Variants in ADAM23 observed in about 807,000 individuals in gnomAD.
The protein encoded by ADAM23 is ADAM metallopeptidase domain 23.
Under a neutral mutation model 120.1 loss-of-function variants are expected in ADAM23, and 33 were observed. The ratio of observed to expected loss-of-function variants is 0.27; its 90% CI spans 0.21 to 0.37. The LOEUF is 0.37. Ranked by LOEUF, ADAM23 falls within the 10% of genes least tolerant of loss-of-function variation. The pLI, the probability that ADAM23 is intolerant of heterozygous loss-of-function variation, is 1.00. For synonymous variants in ADAM23, 367 were observed against 375.2 expected, an observed-to-expected ratio of 0.98 and a Z score of 0.25; for missense variants, 862 against 1,058.2, an observed-to-expected ratio of 0.81 and a Z score of 2.57.
chr2:206,526,202 A>G (rs974387514), intron 3 of ADAM23, among the ~76,000 whole-genome samples: 2 of 152,080 alleles, frequency 1.3e-5, no homozygotes, highest in East Asian at 1.9e-4. Context: ...ACACACGTCT[A>G]TACACATACA....
intron 24 of ADAM23, among the ~76,000 whole-genome samples, chr2:206,600,475 T>C (rs1195745936): frequency 6.6e-6 from 1 of 152,188 alleles, no homozygotes; most frequent in African/African-American, 2.4e-5. Flanking sequence ...ATATGGCCTT[T>C]TTAAAAATCA....
intron 3 of ADAM23, among the ~76,000 whole-genome samples, chr2:206,494,354 A>C (rs1559233030): frequency 6.6e-6 from 1 of 152,206 alleles, no homozygotes; most frequent in African/African-American, 2.4e-5. Context: ...GACCCTAAAA[A>C]AATGTTTGCT....
chr2:206,566,877 A>G (rs1697895338), intron 14 of ADAM23, among the ~76,000 whole-genome samples: 1 of 152,016 alleles, frequency 6.6e-6, no homozygotes, highest in African/African-American at 2.4e-5. Context: ...CTTGACTTTA[A>G]TGAGATATAG....
chr2:206,508,003 G>C (rs1454075855), intron 3 of ADAM23, among the ~76,000 whole-genome samples: 10 of 152,046 alleles, frequency 6.6e-5, no homozygotes, highest in Admixed American at 5.9e-4. Context: ...GAGACAAAGA[G>C]TTTTTCTCCT....
chr2:206,566,182 A>G (rs1397220221), intron 14 of ADAM23, among the ~76,000 whole-genome samples: 1 of 148,858 alleles, frequency 6.7e-6, no homozygotes, highest in African/African-American at 2.4e-5. Context: ...AATATATATA[A>G]CATATAATAT....
At position 206,578,624 on chromosome 2, in the gene ADAM23, T is replaced by A. The variant is rs1698164885; in HGVS notation, c.1737+5429T>A. ...ACAGTTTCTTTATCCACTCATTGAT[T>A]GATGGGCATTTGGGTTGGTTGATGG... On this transcript the variant is annotated intron_variant, in intron 18 of 25. Coordinates refer to ENST00000264377, the MANE Select transcript of ADAM23 (RefSeq NM_003812.4). Among the ~76,000 whole-genome samples the A allele has an allele frequency of 2.0e-5, 3 of 152,176 alleles. No homozygotes were observed. In the South Asian group the frequency reaches 6.2e-4, roughly 32 times the overall value.
Position 206,525,934 on chromosome 2 carries a change from A to T in ADAM23, c.510-4951A>T, listed in dbSNP as rs375058793. On this transcript the variant is annotated intron_variant, in intron 3 of 25. Coordinates refer to ENST00000264377, the MANE Select transcript of ADAM23 (RefSeq NM_003812.4). ...GGGGTTCAAGTTATTTTCCAAAAAA[A>T]CTGGATCTACTCTTCTTGGTTAATA... Among the ~76,000 whole-genome samples, 10 of 152,210 alleles carry T rather than the reference A, an allele frequency of 6.6e-5. No homozygotes were observed. In the South Asian group the frequency reaches 1.2e-3, roughly 19 times the overall value.
intron 9 of ADAM23, among the ~76,000 whole-genome samples, chr2:206,551,836 T>G (rs1370080350): frequency 1.3e-5 from 2 of 152,250 alleles, no homozygotes; most frequent in African/African-American, 2.4e-5. Context: ...ACATTTATTT[T>G]CTGTTCCAGT....
At chr2:206,508,919 G>C (rs776320723) in intron 3 of ADAM23, among the ~76,000 whole-genome samples, 11 of 152,032 alleles carry the variant, frequency 7.2e-5, no homozygotes, top group Non-Finnish European at 1.0e-4. Flanking sequence ...CTCTGAGATC[G>C]CTGGCAAAGT....
At chr2:206,480,899 G>C (rs898302476) in intron 2 of ADAM23, among the ~76,000 whole-genome samples, 1 of 152,114 alleles carries the variant, frequency 6.6e-6, no homozygotes, top group Non-Finnish European at 1.5e-5. Flanking sequence ...GCACAAAACG[G>C]GCTGAAATCA....
chr2:206,529,819 A>G (rs1329904161), intron 3 of ADAM23, among the ~76,000 whole-genome samples: 1 of 149,038 alleles, frequency 6.7e-6, no homozygotes, highest in Non-Finnish European at 1.5e-5. Flanking sequence ...GTATATATAC[A>G]TTTTTTTTTT....
At chr2:206,594,708 T>C (rs1437616380) in intron 22 of ADAM23, 29 bp from the exon 23 acceptor site, 16 of 1,612,428 alleles carry the variant, frequency 9.9e-6, no homozygotes, top group Non-Finnish European at 1.4e-5. Flanking sequence ...GTGGTGCAAA[T>C]AGTTATATGG....
intron 2 of ADAM23, among the ~76,000 whole-genome samples, chr2:206,462,994 C>T (rs1695457341): frequency 6.6e-6 from 1 of 152,002 alleles, no homozygotes; most frequent in South Asian, 2.1e-4. Context: ...TTACATTTGT[C>T]CAGGCAGTGA....
intron 24 of ADAM23, among the ~76,000 whole-genome samples, chr2:206,606,142 C>A (rs1317281096): frequency 6.6e-6 from 1 of 152,186 alleles, no homozygotes; most frequent in East Asian, 1.9e-4. Context: ...CCAACACTTC[C>A]ATTGCTCCTC....
In ADAM23 at chr2:206,462,518, T is replaced by C. The variant is rs559959474; in HGVS notation, c.432+16994T>C. 5.9e-5 allele frequency among the ~76,000 whole-genome samples: 9 copies of C among 152,318 alleles called. No homozygotes were observed. In the South Asian group the frequency reaches 1.9e-3, roughly 32 times the overall value. ...CACTTCGATTTTTCTTCCTTACTTA[T>C]TTTGAATTTGCTGTGGTCATTTTAC... On this transcript the variant is annotated intron_variant, in intron 2 of 25. Coordinates refer to ENST00000264377, the MANE Select transcript of ADAM23 (RefSeq NM_003812.4).
chr2:206,589,296 G>A (rs931960514), intron 20 of ADAM23, 113 bp from the exon 21 acceptor site: 1 of 782,598 alleles, frequency 1.3e-6, no homozygotes, highest in Admixed American at 2.9e-5. Flanking sequence ...AAATCAGGAT[G>A]TTCTTTTTCC....
At chr2:206,469,976 CCTAA>C (rs1473521517) in intron 2 of ADAM23, among the ~76,000 whole-genome samples, 1 of 152,140 alleles carries the variant, frequency 6.6e-6, no homozygotes, top group Non-Finnish European at 1.5e-5. Context: ...CTAAAAACTC[CCTAA>C]CTTATTTTGA....
intron 3 of ADAM23, among the ~76,000 whole-genome samples, chr2:206,487,002 G>C (rs146180483): frequency 7.9e-5 from 12 of 152,150 alleles, no homozygotes; most frequent in African/African-American, 1.4e-4. Flanking sequence ...CTTTTACTTA[G>C]CATAATGTTT....
In ADAM23 at chr2:206,445,369, T is replaced by C; in HGVS notation, c.277T>C (p.Leu93=). The C allele has an allele frequency of 1.2e-6, 2 of 1,613,814 alleles. No homozygotes were observed. Among genetic ancestry groups the C allele is most frequent in the Non-Finnish European group, 1.7e-6 (2 of 1,179,904 alleles). The change falls in exon 2 of 26, where the codon TTG becomes CTG. Residue 93 remains leucine, a synonymous_variant. Coordinates refer to ENST00000264377, the MANE Select transcript of ADAM23 (RefSeq NM_003812.4). The stretch of plus-strand genomic sequence containing the variant: ...AGTCCTGGCAGATGAAGACAATACA[T>C]TGCAACAGAATAGCAGCAGTAATAT... ...LGVLADEDNT[L]QQNSSSNISY... is the part of the protein sequence containing the mutation.
Sources: allele counts gnomAD v4.1 joint callset (sites outside exome capture counted in the v4.1 genomes callset), GRCh38; gene constraint gnomAD v4.1.1; transcripts MANE v1.5; gene names NCBI Gene and HGNC (gene_info 2026-07-23, HGNC 2026-07-21).